Variants in NRXN3 observed in about 807,000 individuals in gnomAD.
NRXN3 encodes neurexin III.
In NRXN3, 32 loss-of-function variants were observed where a neutral mutation model predicts 137.6. The observed-to-expected ratio is 0.23, with a 90% CI of 0.18 to 0.31. The LOEUF (loss-of-function observed/expected upper bound fraction) is 0.31. NRXN3 is among the 10% of genes least tolerant of loss of function. The probability of loss-of-function intolerance (pLI) is 1.00; values close to 1 mark genes in which losing one functional copy is unlikely to be tolerated. For synonymous variants in NRXN3, 798 were observed against 784.5 expected (o/e 1.02, Z -0.29); for missense variants, 1,574 against 2,062.5 (o/e 0.76, Z 4.59).
chr14:78,483,743 G>A (rs2095510194), intron 4 of NRXN3, among the ~76,000 whole-genome samples: 1 of 152,104 alleles, frequency 6.6e-6, no homozygotes, highest in Admixed American at 6.5e-5. Context: ...CAGGTGAGAG[G>A]GGAGGACTCT....
intron 15 of NRXN3, among the ~76,000 whole-genome samples, chr14:79,026,612 G>C (rs781045925): frequency 2.0e-5 from 3 of 152,070 alleles, no homozygotes; most frequent in Admixed American, 6.6e-5. Flanking sequence ...CCCAGTAACG[G>C]AACTGCAGGA....
At chr14:78,808,954 T>TA (rs373641297) in intron 9 of NRXN3, among the ~76,000 whole-genome samples, 2,592 of 149,830 alleles carry the variant, frequency 0.017, 78 homozygotes, top group African/African-American at 0.06. Context: ...TTTCTTCCTT[T>TA]AAAAAAAAAA....
intron 15 of NRXN3, among the ~76,000 whole-genome samples, chr14:79,064,188 T>C (rs2099677777): frequency 6.6e-6 from 1 of 152,182 alleles, no homozygotes; most frequent in Non-Finnish European, 1.5e-5. Context: ...ATGGAGACAA[T>C]GGCACAGCCG....
At chr14:78,636,727 G>A (rs1412649520) in intron 4 of NRXN3, among the ~76,000 whole-genome samples, 1 of 152,138 alleles carries the variant, frequency 6.6e-6, no homozygotes, top group African/African-American at 2.4e-5. Context: ...TGGATCTGGT[G>A]GTTGACGGAA....
At chr14:78,378,734 C>G (rs1235519539) in intron 4 of NRXN3, among the ~76,000 whole-genome samples, 1 of 151,722 alleles carries the variant, frequency 6.6e-6, no homozygotes, top group Non-Finnish European at 1.5e-5. Context: ...GATCAAAGAG[C>G]AAAGTAAGTC....
At chr14:78,511,424 CA>C (rs894463680) in intron 4 of NRXN3, among the ~76,000 whole-genome samples, 1 of 151,838 alleles carries the variant, frequency 6.6e-6, no homozygotes, top group Non-Finnish European at 1.5e-5. Context: ...AGTGGCTTAA[CA>C]AAAAAAGGTG....
At chr14:78,624,290 G>T (rs892371497) in intron 4 of NRXN3, among the ~76,000 whole-genome samples, 3 of 152,210 alleles carry the variant, frequency 2.0e-5, no homozygotes, top group Admixed American at 6.5e-5. Flanking sequence ...TCACAGTTAT[G>T]TCTTGATTAC....
rs371199892 is a variant in NRXN3, at chr14:78,574,210, G to A, written c.758-70910G>A. Among the ~76,000 whole-genome samples, 12 of 152,360 alleles carry A rather than the reference G, an allele frequency of 7.9e-5. 1 individual carries two copies. The South Asian group carries it at 1.0e-3, about 13-fold the overall frequency. On this transcript the variant is annotated intron_variant, in intron 4 of 20. Coordinates refer to ENST00000335750, the MANE Select transcript of NRXN3 (RefSeq NM_001330195.2). The stretch of plus-strand genomic sequence containing the variant: ...CCAGGCAGAAGTTTGCTGCAGGGGC[G>A]AAGCCCCTATGGCGAACCTCTGCTA...
At chr14:78,668,632 A>G (rs778484747) in intron 6 of NRXN3, among the ~76,000 whole-genome samples, 11 of 152,156 alleles carry the variant, frequency 7.2e-5, no homozygotes, top group Non-Finnish European at 1.5e-4. Context: ...ACAAGGAATT[A>G]TCCAGTCCTG....
chr14:78,703,811 C>G (rs2098315713), intron 6 of NRXN3: 1 of 152,194 alleles, frequency 6.6e-6, no homozygotes, highest in Non-Finnish European at 1.5e-5. Context: ...GTGACATGGT[C>G]TTATCCGCTG....
At chr14:79,435,793 C>T (rs1433615918) in intron 15 of NRXN3, among the ~76,000 whole-genome samples, 1 of 152,060 alleles carries the variant, frequency 6.6e-6, no homozygotes, top group Non-Finnish European at 1.5e-5. Context: ...GACCATCACA[C>T]TTGGCTGATT....
Position 78,453,932 on chromosome 14 carries a change from T to G in NRXN3, c.757+156072T>G, listed in dbSNP as rs558988517. Among the ~76,000 whole-genome samples, 7 of 152,322 alleles carry G rather than the reference T, an allele frequency of 4.6e-5. No homozygotes were observed. In the East Asian group the frequency reaches 1.4e-3, roughly 29 times the overall value. ...AATAACCAGCTCTGAAAACACTTGA[T>G]CACAGTCTTTTAGTCTCCAGAACTG... is the stretch of plus-strand genomic sequence containing the variant. On this transcript the variant is annotated intron_variant, in intron 4 of 20. Transcript: ENST00000335750.
chr14:78,924,547 A>G (rs1170567804), intron 10 of NRXN3, among the ~76,000 whole-genome samples: 1 of 152,170 alleles, frequency 6.6e-6, no homozygotes, highest in Non-Finnish European at 1.5e-5. Flanking sequence ...TTGTCAGAGT[A>G]GAAACATTAT....
intron 2 of NRXN3, among the ~76,000 whole-genome samples, chr14:78,262,017 T>C (rs1256033454): frequency 6.6e-6 from 1 of 152,110 alleles, no homozygotes; most frequent in Non-Finnish European, 1.5e-5. Flanking sequence ...GTGCTGTAGA[T>C]GGAAAGAACA....
chr14:79,109,359 G>A (rs1468229413), intron 15 of NRXN3, among the ~76,000 whole-genome samples: 1 of 152,064 alleles, frequency 6.6e-6, no homozygotes. Flanking sequence ...TATTTCTAAT[G>A]TTTTTATTTG....
At chr14:79,097,593 C>T (rs8004582) in intron 15 of NRXN3, among the ~76,000 whole-genome samples, 3 of 151,994 alleles carry the variant, frequency 2.0e-5, no homozygotes, top group African/African-American at 7.3e-5. Flanking sequence ...CTGGATGAAC[C>T]GATAGCATTC....
chr14:79,590,416 TAAAAAAAAAA>T (rs11419735), intron 16 of NRXN3, among the ~76,000 whole-genome samples: 1 of 92,290 alleles, frequency 1.1e-5, no homozygotes, highest in African/African-American at 5.6e-5. Context: ...TTTCTTTTGT[TAAAAAAAAAA>T]AAAAAAAAAA....
intron 2 of NRXN3, among the ~76,000 whole-genome samples, chr14:78,252,577 T>C (rs2068807663): frequency 6.6e-6 from 1 of 152,244 alleles, no homozygotes; most frequent in Non-Finnish European, 1.5e-5. Context: ...TTGCCTCTGA[T>C]CTGCTAGCTT....
intron 15 of NRXN3, among the ~76,000 whole-genome samples, chr14:79,444,306 C>T (rs2096018869): frequency 6.6e-6 from 1 of 152,122 alleles, no homozygotes; most frequent in Non-Finnish European, 1.5e-5. Flanking sequence ...AATGTAATGT[C>T]CCTCCCTTCT....
Sources: gnomAD v4.1 joint callset for allele counts (sites outside exome capture counted in the v4.1 genomes callset) on GRCh38, gnomAD v4.1.1 for gene constraint, MANE v1.5 for transcripts, NCBI Gene and HGNC (gene_info 2026-07-23, HGNC 2026-07-21) for gene names.